The following GLI4 variants were observed in gnomAD, a reference collection of about 807,000 sequenced individuals.
GLI4 encodes zinc finger protein GLI4.
In GLI4, 34 loss-of-function variants were observed where a neutral mutation model predicts 30.9. The observed-to-expected ratio is 1.10, with a 90% CI of 0.84 to 1.47. The LOEUF (loss-of-function observed/expected upper bound fraction) is 1.47. Ranked by LOEUF, GLI4 falls within the 40% of genes most tolerant of loss-of-function variation. GLI4 has a pLI of 0.00. For synonymous variants in GLI4, 277 were observed against 236.7 expected, an observed-to-expected ratio of 1.17 and a Z score of -1.56; for missense variants, 696 against 538.9, an observed-to-expected ratio of 1.29 and a Z score of -2.89.
In GLI4 at chr8:143,276,496, G is replaced by C. The variant is rs752474036; in HGVS notation, c.823G>C (p.Ala275Pro). The change falls in exon 4 of 4, where the codon GCC (alanine) becomes CCC (proline). Residue 275 changes from alanine to proline, a missense_variant. Ala to Pro is a conservative substitution (Grantham distance 27). Coordinates refer to ENST00000340042, the MANE Select transcript of GLI4 (RefSeq NM_138465.4). ...CTACAAGTGCGGCGAGTGCGGCCAG[G>C]CCTTCAGCCAGAGCTCCAACCTGGT... ...KPYKCGECGQ[A>P]FSQSSNLVRH... is the part of the protein sequence containing the mutation. The C allele has an allele frequency of 5.0e-6, 8 of 1,612,690 alleles. No individual in the cohort carries two copies. Among genetic ancestry groups the C allele is most frequent in the Non-Finnish European group, 5.9e-6 (7 of 1,179,792 alleles).
At position 143,276,057 on chromosome 8, in the gene GLI4, C is replaced by A; in HGVS notation, c.384C>A (p.Gly128=). 1 of 1,362,416 alleles carries A rather than the reference C, an allele frequency of 7.3e-7. No homozygotes were observed. The highest frequency in any genetic ancestry group is 9.4e-7 in the Non-Finnish European group (1 of 1,064,284). 84.4% of individuals were successfully genotyped at this position (1,362,416 alleles called of 1,614,324 possible). The change falls in exon 4 of 4, where the codon GGC becomes GGA. Residue 128 remains glycine (G), a synonymous_variant. Transcript: ENST00000340042. ...AATCCAGCGCGGAGCGGCCGGCGGG[C>A]CAGCCGCCTGGGGCCGTCCCTTGCG... ...GPESSAERPA[G]QPPGAVPCAQ... is the part of the protein sequence containing the mutation.
intron 2 of GLI4, 61 bp from the exon 3 acceptor site, chr8:143,274,643 G>T (rs996619161): frequency 6.7e-7 from 1 of 1,488,220 alleles, no homozygotes; most frequent in Non-Finnish European, 9.0e-7. Flanking sequence ...GTGGCGGTCA[G>T]AGAGGAGCGG....
chr8:143,275,842 C>T, intron 3 of GLI4, 55 bp from the exon 4 acceptor site: 2 of 1,255,580 alleles, frequency 1.6e-6, no homozygotes, highest in Non-Finnish European at 1.0e-6. Flanking sequence ...CCCGTCCCTC[C>T]GTGCCACGGT....
At position 143,276,228 on chromosome 8, in the gene GLI4, C is replaced by G. The variant is rs1177850663; in HGVS notation, c.555C>G (p.Cys185Trp). ...CGCGGGGGGCCAAGCCGCACAGGTGCGAGGCCTGCGGCAAGAGTTTCAAGT... is the reference window on the plus strand; with the variant it reads ...CGCGGGGGGCCAAGCCGCACAGGTGGGAGGCCTGCGGCAAGAGTTTCAAGT... ...GSARGAKPHR[C>W]EACGKSFKYN... Residue 185 changes from cysteine (C) to tryptophan (W), a missense_variant, in exon 4 of 4, where the codon TGC (cysteine) becomes TGG (tryptophan). Cys to Trp is a radical substitution (Grantham distance 215, BLOSUM62 -2). Transcript: ENST00000340042. The G allele has an allele frequency of 8.1e-6, 13 of 1,596,850 alleles. No homozygotes were observed. The highest frequency in any genetic ancestry group is 1.7e-5 in the Admixed American group (1 of 57,300).
chr8:143,268,859 C>CTGCTGCTGCTGCTGCTGCTGCTGTTGT (rs35422165), intron 1 of GLI4, among the ~76,000 whole-genome samples: 8 of 149,384 alleles, frequency 5.4e-5, no homozygotes, highest in South Asian at 2.2e-4. Context: ...GCTGCTGCTG[C>CTGCTGCTGCTGCTGCTGCTGCTGTTGT]TGTTGTTTGA....
chr8:143,267,475 C>G lies in GLI4; in HGVS notation c.-47C>G. 1.0e-6 allele frequency: 1 copy of G among 985,866 alleles called. No homozygotes were observed. Among genetic ancestry groups the G allele is most frequent in the Non-Finnish European group, 1.2e-6 (1 of 830,260 alleles). The allele number at this position is 985,866 out of a possible 1,614,324, so 61.1% of individuals were successfully genotyped here. A position where few individuals can be genotyped will look rare whatever the true frequency, so the allele number is the denominator to read the frequency against. ...CGTCCGGCGCGCGGCGTCCTCCTCC[C>G]GCTCGGAAGGTGAGTGGGCGCGGGC... On this transcript the variant is annotated 5_prime_UTR_variant, in exon 1 of 4. Transcript: ENST00000340042.
intron 3 of GLI4, 67 bp downstream of exon 3, chr8:143,274,869 C>T (rs559661805): frequency 5.3e-6 from 8 of 1,510,506 alleles, no homozygotes; most frequent in South Asian, 2.5e-5. Flanking sequence ...TCACAATGCC[C>T]ACCTCTGTGG....
rs745920467 is a variant in GLI4 at position 143,276,766 on chromosome 8, C to G, written c.1093C>G (p.Gln365Glu). The G allele has an allele frequency of 1.6e-5, 25 of 1,598,212 alleles. No individual in the cohort carries two copies. The highest frequency in any genetic ancestry group is 2.0e-5 in the Non-Finnish European group (24 of 1,173,172). Residue 365 changes from glutamine to glutamate, a missense_variant, in exon 4 of 4, where the codon CAG becomes GAG. Physicochemically the swap from Gln to Glu is conservative, Grantham distance 29. Coordinates refer to ENST00000340042, the MANE Select transcript of GLI4 (RefSeq NM_138465.4). The part of the protein sequence containing the change: ...ACGKAFGQSS[Q>E]LIQHQRVHYR... ...CGGCAAGGCCTTCGGCCAGAGCTCC[C>G]AGCTCATCCAGCACCAGCGGGTGCA...
Position 143,276,267 on chromosome 8 carries a change from C to G in GLI4, c.594C>G (p.Leu198=). ...AGAGTTTCAAGTATAACTCGCTGCT[C>G]CTGAAGCACCAGCGCATCCACACGG... ...CGKSFKYNSL[L]LKHQRIHTGE... Residue 198 remains leucine, a synonymous_variant, in exon 4 of 4, where the codon CTC becomes CTG. Coordinates refer to ENST00000340042, the MANE Select transcript of GLI4 (RefSeq NM_138465.4). 2 of 1,612,330 alleles carry G rather than the reference C, an allele frequency of 1.2e-6. No individual in the cohort carries two copies. The highest frequency in any genetic ancestry group is 1.7e-6 in the Non-Finnish European group (2 of 1,179,604).
At chr8:143,270,216 G>A (rs1049067256) in intron 2 of GLI4, among the ~76,000 whole-genome samples, 3 of 152,262 alleles carry the variant, frequency 2.0e-5, no homozygotes, top group Non-Finnish European at 2.9e-5. Context: ...AGGAATGGGG[G>A]CAACCTGGCA....
rs1815160396 is a variant in GLI4 at position 143,267,500 on chromosome 8, C to G, written c.-38+16C>G. 5.1e-6 allele frequency: 5 copies of G among 980,834 alleles called. No individual in the cohort carries two copies. In the African/African-American group the frequency reaches 8.7e-5, roughly 17 times the overall value. 60.8% of individuals were successfully genotyped at this position (980,834 alleles called of 1,614,324 possible). On this transcript the variant is annotated intron_variant, in intron 1 of 3. Transcript: ENST00000340042. ...CGCTCGGAAGGTGAGTGGGCGCGGG[C>G]GGCGGCGGCGGCTCCGGGTGCCTGG...
chr8:143,267,818 C>G (rs1055685836), intron 1 of GLI4: 1 of 985,256 alleles, frequency 1.0e-6, no homozygotes, highest in Non-Finnish European at 1.2e-6. Flanking sequence ...CGCTCCGGAG[C>G]GAGGAGCCGC....
At chr8:143,268,053 G>C in intron 1 of GLI4, 2 of 985,466 alleles carry the variant, frequency 2.0e-6, no homozygotes, top group Non-Finnish European at 2.4e-6. Context: ...TGGGGGCCAA[G>C]CCAGGGTCGG....
At chr8:143,270,020 G>A (rs2129665937) in intron 2 of GLI4, among the ~76,000 whole-genome samples, 1 of 152,344 alleles carries the variant, frequency 6.6e-6, no homozygotes, top group South Asian at 2.1e-4. Flanking sequence ...GTGTGGGGGA[G>A]TCCCAGCCCC....
At chr8:143,275,048 C>G (rs1179153479) in intron 3 of GLI4, 13 of 1,532,554 alleles carry the variant, frequency 8.5e-6, no homozygotes, top group Non-Finnish European at 4.4e-6. Context: ...CCCACGTGGA[C>G]TCCTGCCGGC....
intron 3 of GLI4, 35 bp from the exon 4 acceptor site, chr8:143,275,862 C>A: frequency 7.9e-7 from 1 of 1,262,404 alleles, no homozygotes. Flanking sequence ...TGGGGGCATG[C>A]GGGTACTATC....
chr8:143,275,997 C>T lies in GLI4; in HGVS notation c.324C>T (p.Pro108=), dbSNP rs1464377413. Reference sequence around the variant, plus strand: ...TGCGCAGCCTCCTGAGGAGCCTTCCCCGCAGGGCCCGGTGCAGCGCCGGCT... The same window carrying T: ...TGCGCAGCCTCCTGAGGAGCCTTCCTCGCAGGGCCCGGTGCAGCGCCGGCT... ...GALRSLLRSL[P]RRARCSAGFG... is the part of the protein sequence containing the mutation. The change falls in exon 4 of 4, where the codon CCC becomes CCT. Residue 108 remains proline (P), a synonymous_variant. Transcript: ENST00000340042. The T allele has an allele frequency of 7.1e-7, 1 of 1,408,612 alleles. No individual in the cohort carries two copies. Among genetic ancestry groups the T allele is most frequent in the Non-Finnish European group, 9.2e-7 (1 of 1,084,104 alleles). The allele number at this position is 1,408,612 out of a possible 1,614,324, so 87.3% of individuals were successfully genotyped here.
intron 3 of GLI4, chr8:143,275,392 G>C: frequency 7.2e-7 from 1 of 1,398,598 alleles, no homozygotes; most frequent in Non-Finnish European, 9.3e-7. Flanking sequence ...CCCTGGGCCA[G>C]AGATTTGCGT....
At chr8:143,268,341 C>T (rs891043702) in intron 1 of GLI4, among the ~76,000 whole-genome samples, 4 of 152,230 alleles carry the variant, frequency 2.6e-5, no homozygotes, top group African/African-American at 9.6e-5. Context: ...TTTCTTCACT[C>T]CCTGCCCCAG....
Sources: gnomAD v4.1 joint callset for allele counts (sites outside exome capture counted in the v4.1 genomes callset) on GRCh38, gnomAD v4.1.1 for gene constraint, MANE v1.5 for transcripts, NCBI Gene and HGNC (gene_info 2026-07-23, HGNC 2026-07-21) for gene names.